The following OR2AJ1 variants were observed in gnomAD, a reference collection of about 807,000 sequenced individuals.
The protein encoded by OR2AJ1 is olfactory receptor 2AJ1.
For synonymous variants in OR2AJ1, 105 were observed against 60.3 expected, an observed-to-expected ratio of 1.74 and a Z score of -3.44; for missense variants, 280 against 163.2, an observed-to-expected ratio of 1.72 and a Z score of -3.90.
chr1:247,927,493 AGG>A (rs869120172), intron 1 of OR2AJ1, among the ~76,000 whole-genome samples: 28 of 26,110 alleles, frequency 1.1e-3, no homozygotes, highest in African/African-American at 1.3e-3. Context: ...TTAAACATTT[AGG>A]GGGTGTGTGT....
intron 1 of OR2AJ1, among the ~76,000 whole-genome samples, chr1:247,931,404 A>G (rs1660151591): frequency 6.6e-6 from 1 of 152,328 alleles, no homozygotes; most frequent in Admixed American, 6.5e-5. Flanking sequence ...CCTGGGTAAC[A>G]TAGAGGATAC....
Position 247,934,278 on chromosome 1 carries a change from C to T in OR2AJ1, c.510C>T (p.Gly170=), listed in dbSNP as rs1409873338. The change falls in exon 2 of 2, where the codon GGC becomes GGT. Residue 170 remains glycine, a synonymous_variant. Transcript: ENST00000318244. ...TAYALQFPFC[G]SRAIDHFFCE... Reference sequence around the variant, plus strand: ...ATGCACTGCAGTTTCCCTTCTGTGGCTCTAGGGCAATTGATCACTTCTTCT... The same window carrying T: ...ATGCACTGCAGTTTCCCTTCTGTGGTTCTAGGGCAATTGATCACTTCTTCT... 2 of 730,016 alleles carry T rather than the reference C, an allele frequency of 2.7e-6. No individual in the cohort carries two copies. The highest frequency in any genetic ancestry group is 5.1e-6 in the Non-Finnish European group (2 of 391,982). The allele number at this position is 730,016 out of a possible 1,614,324, so 45.2% of individuals were successfully genotyped here.
chr1:247,930,864 T>G lies in OR2AJ1; in HGVS notation c.-22-2883T>G, dbSNP rs115682574. On this transcript the variant is annotated intron_variant, in intron 1 of 1. Transcript: ENST00000318244. ...TTTTGTATTAAACTTAGTATGAAATTATGTACACGATTTATGCTGGTGTCA... is the reference window on the plus strand; with the variant it reads ...TTTTGTATTAAACTTAGTATGAAATGATGTACACGATTTATGCTGGTGTCA... 4.5e-3 allele frequency among the ~76,000 whole-genome samples: 692 copies of G among 152,270 alleles called. 6 individuals carry two copies. The highest frequency in any genetic ancestry group is 0.016 in the African/African-American group (671 of 41,556).
chr1:247,927,519 T>TGTGTGTGTGTGTGTGTGTGTGTGTG (rs74163828), intron 1 of OR2AJ1, among the ~76,000 whole-genome samples: 8 of 151,590 alleles, frequency 5.3e-5, no homozygotes, highest in South Asian at 2.1e-4. Flanking sequence ...TGTGTGTGTG[T>TGTGTGTGTGTGTGTGTGTGTGTGTG]TGGGAACATT....
intron 1 of OR2AJ1, among the ~76,000 whole-genome samples, chr1:247,932,957 C>T (rs1660170277): frequency 6.6e-6 from 1 of 152,118 alleles, no homozygotes; most frequent in African/African-American, 2.4e-5. Context: ...CTTAAAGACA[C>T]ATTGTTGATG....
rs777380257 is a variant in OR2AJ1, at chr1:247,934,241, TC to T, written c.475del (p.His159ThrfsTer27). 1.4e-6 allele frequency: 1 copy of T among 720,210 alleles called. No homozygotes were observed. The highest frequency in any genetic ancestry group is 1.5e-5 in the South Asian group (1 of 67,776). The allele number at this position is 720,210 out of a possible 1,614,324, so 44.6% of individuals were successfully genotyped here. On this transcript the variant is annotated frameshift_variant, in exon 2 of 2. Transcript: ENST00000318244. LOFTEE classifies it low-confidence loss of function (END_TRUNC). ...CTCATTGGGGTTTTCAACTCCACAG[TC>T]CACACAGCTTATGCACTGCAGTTTC... is the stretch of plus-strand genomic sequence containing the variant. ...SWLIGVFNSTVHTAYALQFPF... is the reference protein window; with the variant it reads ...SWLIGVFNSTXHTAYALQFPF...
At chr1:247,928,927 T>A (rs544452504) in intron 1 of OR2AJ1, among the ~76,000 whole-genome samples, 1 of 152,120 alleles carries the variant, frequency 6.6e-6, no homozygotes, top group East Asian at 1.9e-4. Flanking sequence ...ATCCCGTCTC[T>A]ACTAAAAATA....
chr1:247,933,631 T>A (rs1660176965), intron 1 of OR2AJ1, 116 bp from the exon 2 acceptor site: 2 of 477,252 alleles, frequency 4.2e-6, no homozygotes, highest in Admixed American at 7.6e-5. Flanking sequence ...AGTATTTTGA[T>A]GTTGATTACA....
intron 1 of OR2AJ1, among the ~76,000 whole-genome samples, chr1:247,927,519 T>TGTGTGTGTGTGTGTGTGTGTG (rs74163828): frequency 1.5e-4 from 22 of 151,706 alleles, no homozygotes; most frequent in East Asian, 3.9e-4. Flanking sequence ...TGTGTGTGTG[T>TGTGTGTGTGTGTGTGTGTGTG]TGGGAACATT....
In OR2AJ1 at chr1:247,934,529, C is replaced by G; in HGVS notation, c.761C>G (p.Pro254Arg). The G allele has an allele frequency of 2.8e-6, 2 of 717,396 alleles. No homozygotes were observed. Among genetic ancestry groups the G allele is most frequent in the Admixed American group, 2.0e-5 (1 of 49,998 alleles). The allele number at this position is 717,396 out of a possible 1,614,324, so 44.4% of individuals were successfully genotyped here. ...HMIVVTMYYG[P>R]FIFTYMRPKS... ...ATTGTGGTCACGATGTACTATGGGC[C>G]ATTTATTTTTACATATATGAGACCT... The change falls in exon 2 of 2, where the codon CCA becomes CGA. Residue 254 changes from proline to arginine, a missense_variant. By Grantham distance (103) the Pro-to-Arg change is moderately radical (BLOSUM62 -2). Coordinates refer to ENST00000318244, the MANE Select transcript of OR2AJ1 (RefSeq NM_001355235.2).
chr1:247,933,495 G>T (rs112015911), intron 1 of OR2AJ1, among the ~76,000 whole-genome samples: 1 of 152,022 alleles, frequency 6.6e-6, no homozygotes, highest in Non-Finnish European at 1.5e-5. Flanking sequence ...AAATTATGTG[G>T]AATTAATTAA....
chr1:247,930,068 C>G (rs1660135674), intron 1 of OR2AJ1, among the ~76,000 whole-genome samples: 1 of 152,104 alleles, frequency 6.6e-6, no homozygotes, highest in Admixed American at 6.5e-5. Flanking sequence ...CCAGTGACCA[C>G]TTTTTAAAAA....
In OR2AJ1 at chr1:247,934,238, C is replaced by CG. The variant is rs1660189948; in HGVS notation, c.470_471insG (p.Val158SerfsTer15). 1 of 719,900 alleles carries CG rather than the reference C, an allele frequency of 1.4e-6. No individual in the cohort carries two copies. Among genetic ancestry groups the CG allele is most frequent in the Admixed American group, 2.0e-5 (1 of 50,164 alleles). 44.6% of individuals were successfully genotyped at this position (719,900 alleles called of 1,614,324 possible). ...TGGCTCATTGGGGTTTTCAACTCCA[C>CG]AGTCCACACAGCTTATGCACTGCAG... On this transcript the variant is annotated frameshift_variant, in exon 2 of 2. Transcript: ENST00000318244. LOFTEE classifies it low-confidence loss of function (END_TRUNC).
chr1:247,933,809 T>C lies in OR2AJ1; in HGVS notation c.41T>C (p.Leu14Pro). ...CACACTTTCAGCAGTGATTTCATAC[T>C]TTTGGGATTGTTCTCTTCTTCCCCA... The part of the protein sequence containing the change: ...QNHTFSSDFI[L>P]LGLFSSSPTS... Residue 14 changes from leucine (L) to proline (P), a missense_variant, in exon 2 of 2, where the codon CTT becomes CCT. By Grantham distance (98) the Leu-to-Pro change is moderately conservative. Coordinates refer to ENST00000318244, the MANE Select transcript of OR2AJ1 (RefSeq NM_001355235.2). The C allele has an allele frequency of 1.6e-6, 1 of 627,840 alleles. No homozygotes were observed. Among genetic ancestry groups the C allele is most frequent in the South Asian group, 2.0e-5 (1 of 51,110 alleles). The allele number at this position is 627,840 out of a possible 1,614,324, so 38.9% of individuals were successfully genotyped here.
intron 1 of OR2AJ1, among the ~76,000 whole-genome samples, chr1:247,931,395 C>T (rs547102222): frequency 6.6e-6 from 1 of 152,222 alleles, no homozygotes; most frequent in South Asian, 2.1e-4. Context: ...TGAAATACTC[C>T]TGGGTAACAT....
Position 247,934,706 on chromosome 1 carries a change from A to T in OR2AJ1, c.938A>T (p.Lys313Ile), listed in dbSNP as rs906026355. The T allele has an allele frequency of 5.6e-6, 4 of 714,708 alleles. No individual in the cohort carries two copies. Among genetic ancestry groups the T allele is most frequent in the Non-Finnish European group, 1.0e-5 (4 of 385,008 alleles). The allele number at this position is 714,708 out of a possible 1,614,324, so 44.3% of individuals were successfully genotyped here. A position where few individuals can be genotyped will look rare whatever the true frequency, so the allele number is the denominator to read the frequency against. ...NMLKSNFLHK[K>I]MNRKIPECVF... ...CTCAAAAGTAACTTTCTGCACAAAAAAATGAATAGGAAAATTCCTGAATGT... is the reference window on the plus strand; with the variant it reads ...CTCAAAAGTAACTTTCTGCACAAAATAATGAATAGGAAAATTCCTGAATGT... Residue 313 changes from lysine (K) to isoleucine (I), a missense_variant, in exon 2 of 2, where the codon AAA (lysine) becomes ATA (isoleucine). Lys to Ile is a moderately radical substitution (Grantham distance 102). Transcript: ENST00000318244.
At chr1:247,927,503 T>C (rs960376875) in intron 1 of OR2AJ1, among the ~76,000 whole-genome samples, 6 of 151,854 alleles carry the variant, frequency 4.0e-5, no homozygotes, top group Non-Finnish European at 7.4e-5. Flanking sequence ...AGGGGGTGTG[T>C]GTGTGTGTGT....
Position 247,934,947 on chromosome 1 carries a change from G to T in OR2AJ1, c.*192G>T. 2.0e-6 allele frequency: 1 copy of T among 495,864 alleles called. No homozygotes were observed. Among genetic ancestry groups the T allele is most frequent in the South Asian group, 3.4e-5 (1 of 28,994 alleles). The allele number at this position is 495,864 out of a possible 1,614,324, so 30.7% of individuals were successfully genotyped here. Reference sequence around the variant, plus strand: ...AATTATAATCATGCAACAGTTACAGGAAGTAGAAGTTACCCAAGGCGTCCT... The same window carrying T: ...AATTATAATCATGCAACAGTTACAGTAAGTAGAAGTTACCCAAGGCGTCCT... On this transcript the variant is annotated 3_prime_UTR_variant, in exon 2 of 2. Transcript: ENST00000318244.
chr1:247,928,670 T>C (rs1219852302), intron 1 of OR2AJ1, among the ~76,000 whole-genome samples: 1 of 152,192 alleles, frequency 6.6e-6, no homozygotes, highest in Non-Finnish European at 1.5e-5. Context: ...AGGGCAGCTT[T>C]TGTGATTGGT....
Sources: allele counts gnomAD v4.1 joint callset (sites outside exome capture counted in the v4.1 genomes callset), GRCh38; gene constraint gnomAD v4.1.1; transcripts MANE v1.5; gene names NCBI Gene and HGNC (gene_info 2026-07-23, HGNC 2026-07-21).